The following CSMD1 variants were observed in gnomAD, a reference collection of about 807,000 sequenced individuals.
CSMD1 encodes CUB and Sushi multiple domains 1, also known as CUB and sushi domain-containing protein 1.
CSMD1 carries 213 observed loss-of-function variants against 417.5 expected under a neutral mutation model. The observed-to-expected ratio is 0.51, with a 90% confidence interval of 0.46 to 0.57. The LOEUF is 0.57. Ranked by LOEUF, CSMD1 falls within the 20% of genes least tolerant of loss-of-function variation. The pLI is 0.00. For synonymous variants in CSMD1, 2,862 were observed against 1,736.8 expected, an observed-to-expected ratio of 1.65 and a Z score of -16.11; for missense variants, 6,923 against 4,529.7, an observed-to-expected ratio of 1.53 and a Z score of -15.17.
At chr8:4,209,377 C>T (rs967973772) in intron 3 of CSMD1, among the ~76,000 whole-genome samples, 1 of 152,138 alleles carries the variant, frequency 6.6e-6, no homozygotes, top group African/African-American at 2.4e-5. Context: ...GATTCCCATC[C>T]TTCTGATGCC....
At chr8:4,607,637 G>A (rs1049511566) in intron 2 of CSMD1, among the ~76,000 whole-genome samples, 2 of 151,926 alleles carry the variant, frequency 1.3e-5, no homozygotes, top group Non-Finnish European at 2.9e-5. Flanking sequence ...GCCATTTTTT[G>A]GTGTAAAAAT....
chr8:2,985,739 G>A (rs1032430356), intron 54 of CSMD1, among the ~76,000 whole-genome samples: 6 of 152,286 alleles, frequency 3.9e-5, no homozygotes, highest in African/African-American at 1.4e-4. Flanking sequence ...GGGAAATCAG[G>A]CAAGGCCTTA....
At chr8:3,937,803 C>G (rs2930333) in intron 5 of CSMD1, among the ~76,000 whole-genome samples, 123,595 of 152,086 alleles carry the variant, frequency 0.81, 50,431 homozygotes, top group African/African-American at 0.88. Context: ...AATGTTACTT[C>G]AATTACTGCT....
At chr8:4,331,214 G>A (rs1799850972) in intron 3 of CSMD1, among the ~76,000 whole-genome samples, 1 of 152,080 alleles carries the variant, frequency 6.6e-6, no homozygotes, top group Non-Finnish European at 1.5e-5. Context: ...CAAGATTACT[G>A]CCTCCCAGGT....
chr8:3,549,326 A>C (rs1283252099), intron 10 of CSMD1, among the ~76,000 whole-genome samples: 1 of 152,216 alleles, frequency 6.6e-6, no homozygotes, highest in African/African-American at 2.4e-5. Flanking sequence ...CTTTACAGGC[A>C]AGCTCACCAG....
rs553993526 is a variant in CSMD1 at position 3,808,633 on chromosome 8, A to G, written c.819-54591T>C. ...ATTATCAAATACTATTGCATCAGAG[A>G]TAGTTCCTGAGCCCAAGGGACTTAG... On this transcript the variant is annotated intron_variant, in intron 5 of 69. Transcript: ENST00000635120. Among the ~76,000 whole-genome samples, 12 of 152,290 alleles carry G rather than the reference A, an allele frequency of 7.9e-5. No individual in the cohort carries two copies. The East Asian group carries it at 2.3e-3, about 29-fold the overall frequency.
intron 2 of CSMD1, among the ~76,000 whole-genome samples, chr8:4,446,080 G>C (rs138586287): frequency 6.6e-6 from 1 of 152,158 alleles, no homozygotes. Flanking sequence ...TAGGCGGAAG[G>C]GCTCCGTGTT....
intron 2 of CSMD1, among the ~76,000 whole-genome samples, chr8:4,568,393 T>A (rs1798720426): frequency 6.6e-6 from 1 of 152,160 alleles, no homozygotes; most frequent in Non-Finnish European, 1.5e-5. Flanking sequence ...TCTGTTTCTG[T>A]GTCTTTACTG....
At chr8:3,298,242 A>G (rs1231303448) in intron 25 of CSMD1, among the ~76,000 whole-genome samples, 3 of 152,222 alleles carry the variant, frequency 2.0e-5, no homozygotes, top group Non-Finnish European at 4.4e-5. Flanking sequence ...GTGTATACCC[A>G]TGGAAAAAGC....
intron 3 of CSMD1, among the ~76,000 whole-genome samples, chr8:4,385,029 G>C (rs112534417): frequency 0.094 from 14,304 of 151,992 alleles, 798 homozygotes; most frequent in South Asian, 0.2. Context: ...CTGGTTCAAG[G>C]GATTCTCCTG....
chr8:3,311,289 G>A (rs776186353), intron 23 of CSMD1, among the ~76,000 whole-genome samples: 5 of 151,952 alleles, frequency 3.3e-5, no homozygotes, highest in Admixed American at 6.6e-5. Context: ...TCTGTCTGTT[G>A]CCCAGGCTGG....
chr8:4,728,192 C>T (rs1359524394), intron 1 of CSMD1, among the ~76,000 whole-genome samples: 1 of 146,144 alleles, frequency 6.8e-6, no homozygotes, highest in Non-Finnish European at 1.5e-5. Context: ...TTTATATATT[C>T]GTATATTTAT....
chr8:4,292,632 G>C (rs73500689), intron 3 of CSMD1, among the ~76,000 whole-genome samples: 1 of 152,006 alleles, frequency 6.6e-6, no homozygotes, highest in African/African-American at 2.4e-5. Context: ...TATTTTCTGT[G>C]CCTCAGTCTT....
intron 1 of CSMD1, among the ~76,000 whole-genome samples, chr8:4,927,522 G>C (rs116959561): frequency 3.3e-5 from 5 of 151,950 alleles, no homozygotes; most frequent in African/African-American, 7.3e-5. Context: ...CTTTTTTTCC[G>C]AGAGCAAGTG....
intron 5 of CSMD1, among the ~76,000 whole-genome samples, chr8:3,904,677 C>G (rs1421523222): frequency 1.1e-4 from 16 of 145,396 alleles, no homozygotes; most frequent in African/African-American, 3.7e-4. Flanking sequence ...TACTCTGTCA[C>G]CCCGGTTGGA....
At chr8:4,424,120 G>T (rs28768178) in intron 2 of CSMD1, among the ~76,000 whole-genome samples, 1 of 151,734 alleles carries the variant, frequency 6.6e-6, no homozygotes, top group Non-Finnish European at 1.5e-5. Context: ...AAAGGCTTTT[G>T]AGTCTAGGGC....
chr8:4,604,381 T>TTGTGTGTGTGTGTG (rs368710127), intron 2 of CSMD1, among the ~76,000 whole-genome samples: 3,366 of 91,494 alleles, frequency 0.037, 94 homozygotes, highest in African/African-American at 0.071. Context: ...ACAAATAGCA[T>TTGTGTGTGTGTGTG]TGTGTGTGTG....
At chr8:3,396,155 T>A in intron 17 of CSMD1, 39 bp downstream of exon 17, 1 of 1,520,346 alleles carries the variant, frequency 6.6e-7, no homozygotes, top group Non-Finnish European at 8.9e-7. Flanking sequence ...CTCCCATGCA[T>A]GCTGCCCTGC....
chr8:3,006,735 A>G (rs1228999746), intron 52 of CSMD1, among the ~76,000 whole-genome samples: 1 of 151,768 alleles, frequency 6.6e-6, no homozygotes, highest in Admixed American at 6.6e-5. Context: ...GAAAGCTGAA[A>G]CTGGATCCCT....
Sources: allele counts gnomAD v4.1 joint callset (sites outside exome capture counted in the v4.1 genomes callset), GRCh38; gene constraint gnomAD v4.1.1; transcripts MANE v1.5; gene names NCBI Gene and HGNC (gene_info 2026-07-23, HGNC 2026-07-21).